The following SAMD12 variants were observed in gnomAD, a reference collection of about 807,000 sequenced individuals.
The protein encoded by SAMD12 is sterile alpha motif domain-containing protein 12.
A neutral mutation model predicts 15.0 loss-of-function variants in SAMD12; 9 were observed. The observed-to-expected ratio is 0.60, with a 90% CI of 0.36 to 1.05. SAMD12 has a LOEUF of 1.05. SAMD12 is among the 50% of genes least tolerant of loss of function. The pLI is 0.01. For synonymous variants in SAMD12, 86 were observed against 90.1 expected (o/e 0.96, Z 0.25); for missense variants, 230 against 234.2 (o/e 0.98, Z 0.12).
intron 4 of SAMD12, among the ~76,000 whole-genome samples, chr8:118,203,711 C>A (rs1380245032): frequency 1.3e-5 from 2 of 151,182 alleles, no homozygotes; most frequent in Non-Finnish European, 2.9e-5. Flanking sequence ...AGGTATATCT[C>A]CTAATGCTAT....
chr8:118,178,970 A>G, the SAMD12 span, among the ~76,000 whole-genome samples: 2 of 152,142 alleles, frequency 1.3e-5, no homozygotes, highest in Admixed American at 1.3e-4. Context: ...GAAGAGAAGC[A>G]CAGAATGAGG....
intron 4 of SAMD12, among the ~76,000 whole-genome samples, chr8:118,333,086 GTTA>G (rs918359049): frequency 6.6e-6 from 1 of 152,146 alleles, no homozygotes; most frequent in African/African-American, 2.4e-5. Flanking sequence ...CTCACACACA[GTTA>G]TCGCAGGGAA....
chr8:118,428,888 T>A (rs1822315852), intron 3 of SAMD12, among the ~76,000 whole-genome samples: 1 of 152,166 alleles, frequency 6.6e-6, no homozygotes, highest in Non-Finnish European at 1.5e-5. Context: ...TCCTCAAAAG[T>A]TTGTTCTTTT....
intron 4 of SAMD12, among the ~76,000 whole-genome samples, chr8:118,322,863 A>T (rs985072327): frequency 1.5e-4 from 20 of 130,134 alleles, no homozygotes; most frequent in Non-Finnish European, 3.2e-4. Flanking sequence ...CATCTTCATC[A>T]TTTTTTAAAT....
intron 1 of SAMD12, among the ~76,000 whole-genome samples, chr8:118,593,720 T>C (rs1827645471): frequency 6.6e-6 from 1 of 152,168 alleles, no homozygotes; most frequent in Non-Finnish European, 1.5e-5. Flanking sequence ...TCTGTAAATG[T>C]TAGTTTTAAA....
chr8:118,375,281 C>T (rs990066673), downstream of SAMD12, among the ~76,000 whole-genome samples: 1 of 152,076 alleles, frequency 6.6e-6, no homozygotes, highest in Non-Finnish European at 1.5e-5. Context: ...GTCAGACAGA[C>T]CTGTGCTATG....
At position 118,555,183 on chromosome 8, in the gene SAMD12, C is replaced by T. The variant is rs553855871; in HGVS notation, c.192+25532G>A. Among the ~76,000 whole-genome samples, 4 of 152,318 alleles carry T rather than the reference C, an allele frequency of 2.6e-5. No homozygotes were observed. In the East Asian group the frequency reaches 7.7e-4, roughly 29 times the overall value. ...GTAAGCCACACACAGCGTACCTCCT[C>T]ACATCCATTAATTATAAATTAGTTT... On this transcript the variant is annotated intron_variant, in intron 2 of 3. Coordinates refer to ENST00000314727, the MANE Select transcript of SAMD12 (RefSeq NM_207506.3).
chr8:118,296,617 T>C (rs1286851899), intron 4 of SAMD12, among the ~76,000 whole-genome samples: 1 of 152,228 alleles, frequency 6.6e-6, no homozygotes, highest in Non-Finnish European at 1.5e-5. Flanking sequence ...CAGTCAACAT[T>C]GGTGGAAAGA....
At chr8:118,445,792 C>A (rs1031469231) in intron 2 of SAMD12, among the ~76,000 whole-genome samples, 1 of 152,052 alleles carries the variant, frequency 6.6e-6, no homozygotes, top group Non-Finnish European at 1.5e-5. Context: ...GTATAAGAGC[C>A]CCTAAAGACC....
chr8:118,576,145 CT>C, intron 2 of SAMD12, among the ~76,000 whole-genome samples: 1 of 152,272 alleles, frequency 6.6e-6, no homozygotes. Flanking sequence ...TCTAATAGGA[CT>C]TTCTGCCATA....
intron 3 of SAMD12, among the ~76,000 whole-genome samples, chr8:118,390,156 G>T (rs962939560): frequency 6.6e-6 from 1 of 150,874 alleles, no homozygotes; most frequent in African/African-American, 2.4e-5. Flanking sequence ...ATAGGTGCCC[G>T]CCACCATGCC....
chr8:118,167,334 A>T, the SAMD12 span, among the ~76,000 whole-genome samples: 2 of 152,046 alleles, frequency 1.3e-5, no homozygotes, highest in Non-Finnish European at 2.9e-5. Flanking sequence ...CAGGAGGCTG[A>T]CTTGTAAGCA....
intron 1 of SAMD12, among the ~76,000 whole-genome samples, chr8:118,617,319 T>C (rs552547093): frequency 6.6e-6 from 1 of 152,374 alleles, no homozygotes; most frequent in East Asian, 1.9e-4. Context: ...CATTTCCCAT[T>C]TTCCCAGTCA....
intron 2 of SAMD12, among the ~76,000 whole-genome samples, chr8:118,556,460 C>G (rs1826532646): frequency 6.6e-6 from 1 of 152,140 alleles, no homozygotes; most frequent in African/African-American, 2.4e-5. Flanking sequence ...ACATTTTGAC[C>G]TACCTTTTCC....
At chr8:118,407,389 TTTGA>T (rs1821186703) in intron 3 of SAMD12, among the ~76,000 whole-genome samples, 1 of 152,190 alleles carries the variant, frequency 6.6e-6, no homozygotes, top group South Asian at 2.1e-4. Flanking sequence ...TCATCAAGGT[TTTGA>T]TTATTATTTC....
chr8:118,370,955 T>TA (rs71307452), intron 4 of SAMD12, among the ~76,000 whole-genome samples: 68,283 of 151,566 alleles, frequency 0.45, 16,772 homozygotes, highest in African/African-American at 0.64. Flanking sequence ...AAATTTTTTT[T>TA]AAAAAAGAAA....
At chr8:118,453,296 C>T (rs1398245519) in intron 2 of SAMD12, among the ~76,000 whole-genome samples, 1 of 152,060 alleles carries the variant, frequency 6.6e-6, no homozygotes, top group Non-Finnish European at 1.5e-5. Context: ...CTTATGATTA[C>T]ATATACTATT....
At chr8:118,522,791 A>G (rs114064195) in intron 2 of SAMD12, among the ~76,000 whole-genome samples, 3,779 of 152,288 alleles carry the variant, frequency 0.025, 156 homozygotes, top group African/African-American at 0.084. Flanking sequence ...ATGAAAACAA[A>G]AAAAACAAGA....
intron 2 of SAMD12, among the ~76,000 whole-genome samples, chr8:118,561,293 T>C (rs1402628090): frequency 6.6e-6 from 1 of 152,228 alleles, no homozygotes; most frequent in Non-Finnish European, 1.5e-5. Context: ...AAAACACATC[T>C]CTATATTTTA....
Sources: allele counts gnomAD v4.1 joint callset (sites outside exome capture counted in the v4.1 genomes callset), GRCh38; gene constraint gnomAD v4.1.1; transcripts MANE v1.5; gene names NCBI Gene and HGNC (gene_info 2026-07-23, HGNC 2026-07-21).